Variants in LIMA1 observed in about 807,000 individuals in gnomAD.
The protein encoded by LIMA1 is LIM domain and actin binding 1, also known as LIM domain and actin-binding protein 1.
In LIMA1, 52 loss-of-function variants were observed where a neutral mutation model predicts 62.6. The observed-to-expected ratio is 0.83, with a 90% confidence interval of 0.67 to 1.05. The LOEUF is 1.05. Among genes scored for constraint, LIMA1 ranks in the 50% least tolerant of loss-of-function variants. The pLI, the probability that LIMA1 is intolerant of heterozygous loss-of-function variation, is 0.00. For missense variants in LIMA1, 780 were observed against 902.2 expected (o/e 0.86, Z 1.74); for synonymous variants, 302 against 317.8 (o/e 0.95, Z 0.53).
At chr12:50,220,357 G>A (rs1480312334) in intron 4 of LIMA1, among the ~76,000 whole-genome samples, 2 of 152,122 alleles carry the variant, frequency 1.3e-5, no homozygotes, top group Admixed American at 1.3e-4. Context: ...ACCACGCCCG[G>A]ACTAGTAAGA....
chr12:50,177,195 C>T lies in LIMA1; in HGVS notation c.2149G>A (p.Glu717Lys), dbSNP rs1461298803. Residue 717 changes from glutamate (E) to lysine (K), a missense_variant, in exon 11 of 11, where the codon GAA becomes AAA. Transcript: ENST00000341247. ...WSSFVDNTFA[E>K]EFTTQNQKSQ... is the part of the protein sequence containing the mutation. ...TTCTGATTCTGAGTAGTGAATTCTT[C>T]AGCAAAGGTGTTGTCTACAAAACTC... 6.2e-7 allele frequency: 1 copy of T among 1,614,098 alleles called. No individual in the cohort carries two copies. The highest frequency in any genetic ancestry group is 2.2e-5 in the East Asian group (1 of 44,880).
At chr12:50,263,839 T>C (rs1451107938) in intron 1 of LIMA1, among the ~76,000 whole-genome samples, 2 of 96,752 alleles carry the variant, frequency 2.1e-5, no homozygotes, top group Non-Finnish European at 4.0e-5. Context: ...AGAGAGTATA[T>C]ATATATATAT....
At chr12:50,226,837 G>GAA (rs1465263704) in intron 3 of LIMA1, among the ~76,000 whole-genome samples, 4 of 110,592 alleles carry the variant, frequency 3.6e-5, no homozygotes, top group Admixed American at 9.7e-5. Flanking sequence ...GATTCCATAT[G>GAA]AAAAAAAAAA....
chr12:50,257,443 T>C (rs1189968681), intron 1 of LIMA1, among the ~76,000 whole-genome samples: 1 of 152,208 alleles, frequency 6.6e-6, no homozygotes, highest in Non-Finnish European at 1.5e-5. Flanking sequence ...GTTGGCAAAC[T>C]GACAAATTGC....
At chr12:50,278,969 A>C (rs1352058446) in intron 1 of LIMA1, among the ~76,000 whole-genome samples, 1 of 151,702 alleles carries the variant, frequency 6.6e-6, no homozygotes, top group Admixed American at 6.6e-5. Flanking sequence ...TGTCTTCTTT[A>C]TAATTTGTTT....
chr12:50,224,929 G>C (rs970675068), intron 3 of LIMA1, among the ~76,000 whole-genome samples: 1 of 144,870 alleles, frequency 6.9e-6, no homozygotes, highest in African/African-American at 2.6e-5. Flanking sequence ...TGAGACGGAG[G>C]TTCACTCTTG....
At chr12:50,231,874 T>TGAC (rs1479428402) in intron 2 of LIMA1, among the ~76,000 whole-genome samples, 164 bp from the exon 3 acceptor site, 21 of 152,068 alleles carry the variant, frequency 1.4e-4, no homozygotes, top group African/African-American at 4.6e-4. Context: ...TTCGAGTGAT[T>TGAC]CTCCTGTCTC....
chr12:50,255,585 TAAAG>T (rs1941985194), intron 1 of LIMA1, among the ~76,000 whole-genome samples: 1 of 138,786 alleles, frequency 7.2e-6, no homozygotes, highest in Non-Finnish European at 1.6e-5. Context: ...AAAAAAAAAG[TAAAG>T]AAAAGAAAGA....
chr12:50,237,788 C>T (rs1941717433), intron 2 of LIMA1, among the ~76,000 whole-genome samples: 1 of 152,118 alleles, frequency 6.6e-6, no homozygotes, highest in Non-Finnish European at 1.5e-5. Flanking sequence ...TAAACCCTTA[C>T]ATGTATGGTC....
intron 1 of LIMA1, among the ~76,000 whole-genome samples, chr12:50,267,222 AC>A (rs1404095254): frequency 2.6e-5 from 4 of 152,006 alleles, no homozygotes; most frequent in Admixed American, 2.6e-4. Context: ...GGCATCCCCC[AC>A]AATGTCCGGC....
intron 4 of LIMA1, among the ~76,000 whole-genome samples, chr12:50,211,114 G>C (rs1941248236): frequency 6.6e-6 from 1 of 152,070 alleles, no homozygotes. Flanking sequence ...CTGAGGTCAG[G>C]AGTTCAAGAC....
intron 6 of LIMA1, 43 bp downstream of exon 6, chr12:50,204,509 G>C: frequency 6.3e-7 from 1 of 1,587,840 alleles, no homozygotes; most frequent in East Asian, 2.3e-5. Flanking sequence ...CCATCTGCTG[G>C]ATGATGGAAT....
intron 4 of LIMA1, among the ~76,000 whole-genome samples, chr12:50,209,890 T>C (rs1019412704): frequency 6.6e-6 from 1 of 151,976 alleles, no homozygotes; most frequent in Non-Finnish European, 1.5e-5. Flanking sequence ...CTGAAACTCC[T>C]GACCTCAAAT....
intron 6 of LIMA1, 162 bp from the exon 7 acceptor site, chr12:50,201,046 GA>G: frequency 7.0e-7 from 1 of 1,419,396 alleles, no homozygotes; most frequent in Middle Eastern, 2.7e-4. Flanking sequence ...ACTGACTAGT[GA>G]AATGACAAAA....
intron 4 of LIMA1, among the ~76,000 whole-genome samples, chr12:50,214,983 T>C (rs1474618451): frequency 6.6e-6 from 1 of 152,188 alleles, no homozygotes; most frequent in Non-Finnish European, 1.5e-5. Flanking sequence ...TATGAATAAT[T>C]TCTGCAACAA....
At chr12:50,212,297 C>T (rs1347861895) in intron 4 of LIMA1, among the ~76,000 whole-genome samples, 1 of 152,192 alleles carries the variant, frequency 6.6e-6, no homozygotes, top group African/African-American at 2.4e-5. Context: ...TTCAACCTTT[C>T]AACTTCAGCT....
At chr12:50,260,319 T>A (rs1190497005) in intron 1 of LIMA1, among the ~76,000 whole-genome samples, 2 of 152,120 alleles carry the variant, frequency 1.3e-5, no homozygotes, top group Admixed American at 6.6e-5. Context: ...GGCTAAGTTT[T>A]TGTATTTTTA....
chr12:50,211,427 G>A (rs1295808076), intron 4 of LIMA1, among the ~76,000 whole-genome samples: 1 of 149,482 alleles, frequency 6.7e-6, no homozygotes, highest in Non-Finnish European at 1.5e-5. Flanking sequence ...AGGGTTGCTT[G>A]AGGCCAGGAG....
In LIMA1 at chr12:50,177,630, CG is replaced by C. The variant is rs1940380789; in HGVS notation, c.1713del (p.Asp572IlefsTer2). ...CGTCTTAGCTTCTTCAGATCTAGAT[CG>C]ACATCCTCAGGAACTTCGGGCTTGC... ...EISKPEVPED[V>X]DLDLKKLRRS... On this transcript the variant is annotated frameshift_variant, in exon 11 of 11. Coordinates refer to ENST00000341247, the MANE Select transcript of LIMA1 (RefSeq NM_016357.5). LOFTEE classifies it low-confidence loss of function (END_TRUNC). 1 of 1,608,824 alleles carries C rather than the reference CG, an allele frequency of 6.2e-7. No individual in the cohort carries two copies. The highest frequency in any genetic ancestry group is 1.3e-5 in the African/African-American group (1 of 74,574).
Sources: gnomAD v4.1 joint callset for allele counts (sites outside exome capture counted in the v4.1 genomes callset) on GRCh38, gnomAD v4.1.1 for gene constraint, MANE v1.5 for transcripts, NCBI Gene and HGNC (gene_info 2026-07-23, HGNC 2026-07-21) for gene names.